The following SORCS1 variants were observed in gnomAD, a reference collection of about 807,000 sequenced individuals.
SORCS1 encodes the protein VPS10 domain-containing receptor SorCS1.
SORCS1 carries 60 observed loss-of-function variants against 146.1 expected under a neutral mutation model. The observed-to-expected ratio is 0.41, with a 90% CI of 0.33 to 0.51. SORCS1 has a LOEUF of 0.51. SORCS1 is among the 20% of genes least tolerant of loss of function. SORCS1 has a pLI of 0.21. For missense variants in SORCS1, 1,352 were observed against 1,487.6 expected (o/e 0.91, Z 1.50); for synonymous variants, 637 against 584.0 (o/e 1.09, Z -1.31).
At chr10:106,914,812 G>A (rs1952334438) in intron 2 of SORCS1, among the ~76,000 whole-genome samples, 1 of 152,172 alleles carries the variant, frequency 6.6e-6, no homozygotes, top group Non-Finnish European at 1.5e-5. Context: ...GGTGGAAGTG[G>A]TGCCCTCTCA....
chr10:107,169,779 G>A, the SORCS1 span, among the ~76,000 whole-genome samples: 1 of 152,104 alleles, frequency 6.6e-6, no homozygotes, highest in Non-Finnish European at 1.5e-5. Flanking sequence ...AGAGCAGATT[G>A]TCTTTTTATC....
At chr10:107,147,840 T>C (rs1374955812) in intron 1 of SORCS1, among the ~76,000 whole-genome samples, 2 of 152,054 alleles carry the variant, frequency 1.3e-5, no homozygotes, top group African/African-American at 4.8e-5. Flanking sequence ...ACACACTAGA[T>C]GATGCTTAGT....
chr10:107,048,594 T>C (rs1297825180), intron 1 of SORCS1, among the ~76,000 whole-genome samples: 1 of 152,220 alleles, frequency 6.6e-6, no homozygotes, highest in Non-Finnish European at 1.5e-5. Context: ...TAATAAGTAC[T>C]TATAAATGAA....
chr10:106,670,789 G>A (rs927145652), intron 16 of SORCS1, among the ~76,000 whole-genome samples: 3 of 151,690 alleles, frequency 2.0e-5, no homozygotes, highest in Non-Finnish European at 4.4e-5. Flanking sequence ...TACCTCCTGG[G>A]TTCAAGCGAT....
At chr10:106,725,480 G>A (rs1856083073) in intron 6 of SORCS1, among the ~76,000 whole-genome samples, 1 of 151,864 alleles carries the variant, frequency 6.6e-6, no homozygotes. Context: ...GAACCCAGGA[G>A]GCGGAGGTTG....
intron 10 of SORCS1, among the ~76,000 whole-genome samples, chr10:106,685,286 A>G (rs1852744404): frequency 6.6e-6 from 1 of 151,968 alleles, no homozygotes. Context: ...CCCCTACCAC[A>G]TGGGTTGAGC....
chr10:107,067,730 T>C (rs1962013693), intron 1 of SORCS1, among the ~76,000 whole-genome samples: 1 of 152,244 alleles, frequency 6.6e-6, no homozygotes, highest in Non-Finnish European at 1.5e-5. Flanking sequence ...TTATTAACTG[T>C]GTGATCTTGA....
At chr10:106,924,789 C>A (rs1952927515) in intron 2 of SORCS1, among the ~76,000 whole-genome samples, 3 of 139,084 alleles carry the variant, frequency 2.2e-5, no homozygotes, top group Non-Finnish European at 4.6e-5. Context: ...TATGTTAAGG[C>A]AACCTGATTG....
chr10:107,135,461 C>A (rs550660796), intron 1 of SORCS1, among the ~76,000 whole-genome samples: 7 of 152,176 alleles, frequency 4.6e-5, no homozygotes, highest in Non-Finnish European at 8.8e-5. Flanking sequence ...TATACCCAGA[C>A]AATTATGTCA....
At chr10:106,643,073 A>G (rs1353290002) in intron 18 of SORCS1, among the ~76,000 whole-genome samples, 1 of 152,214 alleles carries the variant, frequency 6.6e-6, no homozygotes, top group Non-Finnish European at 1.5e-5. Context: ...CCTTCACCAT[A>G]GAGAGAAGCA....
intron 1 of SORCS1, among the ~76,000 whole-genome samples, chr10:107,072,659 C>G (rs1016331228): frequency 6.7e-6 from 1 of 148,692 alleles, no homozygotes; most frequent in Admixed American, 6.7e-5. Flanking sequence ...AGAGAGAGAA[C>G]GAGAACACTT....
At chr10:106,929,240 C>A (rs998565120) in intron 2 of SORCS1, among the ~76,000 whole-genome samples, 4 of 152,084 alleles carry the variant, frequency 2.6e-5, no homozygotes, top group Non-Finnish European at 4.4e-5. Flanking sequence ...CAAATGATTT[C>A]TAAAACCCTT....
chr10:106,673,762 G>A lies in SORCS1; in HGVS notation c.1941-777C>T, dbSNP rs564153805. On this transcript the variant is annotated intron_variant, in intron 14 of 25. Transcript: ENST00000263054. ...ATCAGCAGAACCAAGTACTAATAAT[G>A]GTTTCCTACACTGTACATTCTACTC... Among the ~76,000 whole-genome samples the A allele has an allele frequency of 3.2e-4, 48 of 152,164 alleles. 1 individual carries two copies. Among genetic ancestry groups the A allele is most frequent in the Admixed American group, 3.9e-4 (6 of 15,276 alleles).
intron 3 of SORCS1, among the ~76,000 whole-genome samples, chr10:106,809,597 G>A (rs1947359726): frequency 6.6e-6 from 1 of 152,180 alleles, no homozygotes; most frequent in African/African-American, 2.4e-5. Flanking sequence ...GAAGGGGCTA[G>A]TAAAGGTGAC....
chr10:106,784,115 G>T (rs1195958398), intron 3 of SORCS1, among the ~76,000 whole-genome samples: 1 of 152,108 alleles, frequency 6.6e-6, no homozygotes, highest in Admixed American at 6.5e-5. Flanking sequence ...TAAACCTGGG[G>T]CCGGGTGCAG....
chr10:106,902,101 T>C (rs1028865577), intron 2 of SORCS1, among the ~76,000 whole-genome samples: 1 of 152,122 alleles, frequency 6.6e-6, no homozygotes, highest in African/African-American at 2.4e-5. Flanking sequence ...TACTAAAATA[T>C]GATAATGTAC....
At chr10:106,859,481 C>T (rs1039982808) in intron 2 of SORCS1, among the ~76,000 whole-genome samples, 2 of 152,184 alleles carry the variant, frequency 1.3e-5, no homozygotes, top group Non-Finnish European at 2.9e-5. Flanking sequence ...GCAAGCTCCG[C>T]CTCCCGGGCT....
At chr10:106,808,782 A>G (rs535546600) in intron 3 of SORCS1, among the ~76,000 whole-genome samples, 125 of 152,238 alleles carry the variant, frequency 8.2e-4, no homozygotes, top group African/African-American at 2.8e-3. Context: ...GATTACAGGC[A>G]TGAGTCACCG....
chr10:106,675,875 C>T (rs750887093), intron 13 of SORCS1, among the ~76,000 whole-genome samples: 9 of 152,276 alleles, frequency 5.9e-5, no homozygotes, highest in Non-Finnish European at 1.0e-4. Context: ...CCTTCCACCA[C>T]GTGAGGATAC....
Sources: gnomAD v4.1 joint callset for allele counts (sites outside exome capture counted in the v4.1 genomes callset) on GRCh38, gnomAD v4.1.1 for gene constraint, MANE v1.5 for transcripts, NCBI Gene and HGNC (gene_info 2026-07-23, HGNC 2026-07-21) for gene names.